DNAJC24: variants seen among roughly 807,000 people sequenced by gnomAD.
DNAJC24 encodes the protein DnaJ heat shock protein family (Hsp40) member C24, also known as dnaJ homolog subfamily C member 24.
In DNAJC24, 17 loss-of-function variants were observed where a neutral mutation model predicts 18.0. That is an observed-to-expected ratio of 0.94 (90% CI 0.65 to 1.42). The LOEUF (loss-of-function observed/expected upper bound fraction) is 1.42. Among genes scored for constraint, DNAJC24 ranks in the 40% most tolerant of loss-of-function variants. The probability of loss-of-function intolerance (pLI) is 0.00; values close to 1 mark genes in which losing one functional copy is unlikely to be tolerated. For missense variants in DNAJC24, 158 were observed against 175.6 expected (o/e 0.90, Z 0.57); for synonymous variants, 55 against 57.7 (o/e 0.95, Z 0.21).
At chr11:31,408,385 A>G (rs1049864476) in intron 2 of DNAJC24, 6 of 352,888 alleles carry the variant, frequency 1.7e-5, no homozygotes, top group African/African-American at 1.3e-4. Flanking sequence ...CTGATGCTGC[A>G]GTTCTGAGGA....
rs112023816 is a variant in DNAJC24 at position 31,410,503 on chromosome 11, T to G, written c.112-4308T>G. 2.2e-3 allele frequency among the ~76,000 whole-genome samples: 340 copies of G among 152,344 alleles called. 3 individuals are homozygous for G. The highest frequency in any genetic ancestry group is 7.7e-3 in the African/African-American group (321 of 41,576). ...GCTTGTTTATTCATTTCCTTAGTGG[T>G]ATCTTTGATGAGCAGAAGGTTTTAA... On this transcript the variant is annotated intron_variant, in intron 2 of 4. Transcript: ENST00000465995.
At chr11:31,404,958 T>G (rs189023043) in intron 2 of DNAJC24, among the ~76,000 whole-genome samples, 2 of 152,196 alleles carry the variant, frequency 1.3e-5, no homozygotes, top group East Asian at 3.9e-4. Context: ...TCTCTTGTTG[T>G]TATGACACTT....
intron 2 of DNAJC24, among the ~76,000 whole-genome samples, chr11:31,405,076 T>G (rs1952642763): frequency 3.7e-5 from 2 of 53,610 alleles, no homozygotes; most frequent in Admixed American, 2.1e-4. Context: ...CTTTTTTTTG[T>G]TTTTTTTTTT....
chr11:31,397,217 T>A (rs1391646150), intron 2 of DNAJC24, among the ~76,000 whole-genome samples: 1 of 152,202 alleles, frequency 6.6e-6, no homozygotes. Flanking sequence ...GTATCTTCAT[T>A]GGCTGGCACA....
chr11:31,429,313 G>A (rs1028863402), intron 4 of DNAJC24, among the ~76,000 whole-genome samples: 3 of 151,790 alleles, frequency 2.0e-5, no homozygotes, highest in Middle Eastern at 3.4e-3. Flanking sequence ...ACAAGGCAGT[G>A]GAATTTTTCT....
chr11:31,416,793 T>C (rs984352377), intron 3 of DNAJC24: 1 of 152,132 alleles, frequency 6.6e-6, no homozygotes, highest in Non-Finnish European at 1.5e-5. Flanking sequence ...GAGAATTGCA[T>C]GAAGAAAGAT....
chr11:31,378,617 T>C (rs1204812479), intron 2 of DNAJC24, among the ~76,000 whole-genome samples: 1 of 151,768 alleles, frequency 6.6e-6, no homozygotes, highest in Non-Finnish European at 1.5e-5. Flanking sequence ...TTGAAAACTG[T>C]ATTAAAAAAA....
At chr11:31,428,063 G>A (rs1952881747) in intron 4 of DNAJC24, 1 of 151,070 alleles carries the variant, frequency 6.6e-6, no homozygotes, top group Admixed American at 6.6e-5. Flanking sequence ...AAAAAGAAAA[G>A]GAAGAAACAA....
At chr11:31,428,272 CT>C (rs1434742056) in intron 4 of DNAJC24, among the ~76,000 whole-genome samples, 4 of 152,066 alleles carry the variant, frequency 2.6e-5, no homozygotes, top group Non-Finnish European at 5.9e-5. Flanking sequence ...TACAGTTAAT[CT>C]TAAAAGTATA....
chr11:31,419,449 C>G (rs1238022164), intron 3 of DNAJC24, among the ~76,000 whole-genome samples: 2 of 151,944 alleles, frequency 1.3e-5, no homozygotes, highest in African/African-American at 2.4e-5. Context: ...ACATTACTTG[C>G]TACTTTTACT....
Position 31,429,603 on chromosome 11 carries a change from C to T in DNAJC24, c.320-668C>T, listed in dbSNP as rs1311548236. ...ACTTAAAATTTCCACGATCAGGAGCCTAAGTATTGCACCGTATTGCCTCCT... is the reference window on the plus strand; with the variant it reads ...ACTTAAAATTTCCACGATCAGGAGCTTAAGTATTGCACCGTATTGCCTCCT... On this transcript the variant is annotated intron_variant, in intron 4 of 4. Transcript: ENST00000465995. 9 of 339,374 alleles carry T rather than the reference C, an allele frequency of 2.7e-5. No homozygotes were observed. The East Asian group carries it at 6.2e-4, about 24-fold the overall frequency. The allele number at this position is 339,374 out of a possible 1,614,324, so 21.0% of individuals were successfully genotyped here.
chr11:31,418,457 A>G (rs368352136), intron 3 of DNAJC24, among the ~76,000 whole-genome samples: 3 of 152,100 alleles, frequency 2.0e-5, no homozygotes, highest in African/African-American at 7.2e-5. Flanking sequence ...TTGTAATGTG[A>G]AAGTCACAGA....
chr11:31,380,376 CA>C (rs772127828), intron 2 of DNAJC24, among the ~76,000 whole-genome samples: 19 of 152,132 alleles, frequency 1.2e-4, no homozygotes, highest in Non-Finnish European at 2.5e-4. Context: ...TATTATTAAG[CA>C]AACATTAACA....
At chr11:31,370,683 C>T (rs1952220862) in intron 1 of DNAJC24, 33 bp from the exon 2 acceptor site, 1 of 1,100,378 alleles carries the variant, frequency 9.1e-7, no homozygotes, top group Admixed American at 2.5e-5. Flanking sequence ...ACATGGCAAA[C>T]TGTGATGAAT....
At chr11:31,404,341 C>T (rs1288707391) in intron 2 of DNAJC24, among the ~76,000 whole-genome samples, 4 of 152,280 alleles carry the variant, frequency 2.6e-5, no homozygotes, top group Non-Finnish European at 5.9e-5. Flanking sequence ...AGGAACCAAA[C>T]ATTTTGTGAC....
chr11:31,427,716 T>C (rs2133508175), intron 4 of DNAJC24: 1 of 152,302 alleles, frequency 6.6e-6, no homozygotes, highest in South Asian at 2.1e-4. Flanking sequence ...GTTCTTGCTA[T>C]AGTCGATATG....
At chr11:31,402,053 A>G (rs1212698926) in intron 2 of DNAJC24, among the ~76,000 whole-genome samples, 1 of 152,170 alleles carries the variant, frequency 6.6e-6, no homozygotes, top group Non-Finnish European at 1.5e-5. Context: ...TTGTTAGGCA[A>G]TTTCACCCTG....
intron 2 of DNAJC24, among the ~76,000 whole-genome samples, chr11:31,381,509 A>T (rs1952376252): frequency 6.6e-6 from 1 of 152,078 alleles, no homozygotes; most frequent in Admixed American, 6.6e-5. Flanking sequence ...TCTGGAAAAG[A>T]CATATCTTTT....
chr11:31,369,876 A>C lies in DNAJC24; in HGVS notation c.-70A>C, dbSNP rs1952187830. ...CCGGTCCGGAGTTCTGGCCGACAGCAGGCGAGGAGTGGGTAGCAGCGCCTA... is the reference window on the plus strand; with the variant it reads ...CCGGTCCGGAGTTCTGGCCGACAGCCGGCGAGGAGTGGGTAGCAGCGCCTA... On this transcript the variant is annotated 5_prime_UTR_variant, in exon 1 of 5. Transcript: ENST00000465995. 1 of 152,688 alleles carries C rather than the reference A, an allele frequency of 6.5e-6. No homozygotes were observed. The highest frequency in any genetic ancestry group is 1.5e-5 in the Non-Finnish European group (1 of 68,116). 9.5% of individuals were successfully genotyped at this position (152,688 alleles called of 1,614,324 possible). A position where few individuals can be genotyped will look rare whatever the true frequency, so the allele number is the denominator to read the frequency against.
Sources: gnomAD v4.1 joint callset for allele counts (sites outside exome capture counted in the v4.1 genomes callset) on GRCh38, gnomAD v4.1.1 for gene constraint, MANE v1.5 for transcripts, NCBI Gene and HGNC (gene_info 2026-07-23, HGNC 2026-07-21) for gene names.